The following MYT1L variants were observed in gnomAD, a reference collection of about 807,000 sequenced individuals.
MYT1L encodes myelin transcription factor 1 like, also known as myelin transcription factor 1-like protein.
In MYT1L, 12 loss-of-function variants were observed where a neutral mutation model predicts 126.7. The observed-to-expected ratio is 0.09, with a 90% CI of 0.06 to 0.15. The LOEUF is 0.15. Ranked by LOEUF, MYT1L falls within the 10% of genes least tolerant of loss-of-function variation. The probability of loss-of-function intolerance (pLI) is 1.00; values close to 1 mark genes in which losing one functional copy is unlikely to be tolerated. For missense variants in MYT1L, 979 were observed against 1,585.2 expected (o/e 0.62, Z 6.49); for synonymous variants, 541 against 604.2 (o/e 0.90, Z 1.53).
At chr2:2,003,679 G>GT (rs2062642915) in intron 4 of MYT1L, among the ~76,000 whole-genome samples, 1 of 152,108 alleles carries the variant, frequency 6.6e-6, no homozygotes, top group African/African-American at 2.4e-5. Context: ...CACCTTTGAG[G>GT]TAAGACAGCA....
chr2:2,147,454 C>G (rs963616072), intron 3 of MYT1L, among the ~76,000 whole-genome samples: 1 of 152,220 alleles, frequency 6.6e-6, no homozygotes, highest in Non-Finnish European at 1.5e-5. Flanking sequence ...AAGGACCGTT[C>G]CCTCCATCAG....
intron 18 of MYT1L, among the ~76,000 whole-genome samples, chr2:1,883,202 AAT>A (rs2047784462): frequency 6.6e-6 from 1 of 152,178 alleles, no homozygotes; most frequent in Non-Finnish European, 1.5e-5. Context: ...GAGGAATCTT[AAT>A]TTGGCCAACC....
chr2:1,956,066 T>C (rs1481587967), intron 8 of MYT1L, among the ~76,000 whole-genome samples: 1 of 151,468 alleles, frequency 6.6e-6, no homozygotes, highest in Admixed American at 6.6e-5. Flanking sequence ...TCTATCTATC[T>C]ACCTATCATC....
intron 3 of MYT1L, among the ~76,000 whole-genome samples, chr2:2,077,860 G>A (rs1447064558): frequency 1.3e-5 from 2 of 152,148 alleles, no homozygotes; most frequent in East Asian, 1.9e-4. Flanking sequence ...AAAACCACAC[G>A]AAAATACAGA....
intron 4 of MYT1L, among the ~76,000 whole-genome samples, chr2:2,045,423 G>A (rs972055635): frequency 6.6e-6 from 1 of 152,194 alleles, no homozygotes; most frequent in African/African-American, 2.4e-5. Context: ...GAGCCATGCA[G>A]GGGCCAAAAC....
chr2:1,931,516 C>T (rs1573688627), intron 9 of MYT1L, among the ~76,000 whole-genome samples: 1 of 152,028 alleles, frequency 6.6e-6, no homozygotes, highest in Non-Finnish European at 1.5e-5. Flanking sequence ...TTCCTCCACC[C>T]TCAGTGATGC....
intron 2 of MYT1L, among the ~76,000 whole-genome samples, chr2:2,198,055 C>T (rs191412432): frequency 4.0e-5 from 6 of 151,736 alleles, no homozygotes; most frequent in Admixed American, 1.3e-4. Flanking sequence ...TACACACACA[C>T]GTACACAATG....
intron 18 of MYT1L, among the ~76,000 whole-genome samples, chr2:1,862,567 C>T (rs2044827550): frequency 6.6e-6 from 1 of 152,148 alleles, no homozygotes. Flanking sequence ...CTTTCCAGGT[C>T]ATATAAAATT....
chr2:2,048,947 T>G (rs899963348), intron 4 of MYT1L, among the ~76,000 whole-genome samples: 1 of 152,228 alleles, frequency 6.6e-6, no homozygotes, highest in Non-Finnish European at 1.5e-5. Context: ...TTTCTACTAT[T>G]TCTTAAACTA....
chr2:2,184,674 G>A (rs1208922855), intron 2 of MYT1L, among the ~76,000 whole-genome samples: 1 of 152,028 alleles, frequency 6.6e-6, no homozygotes, highest in African/African-American at 2.4e-5. Flanking sequence ...TCCCCGCACC[G>A]CACGCCCACC....
intron 2 of MYT1L, among the ~76,000 whole-genome samples, chr2:2,208,447 G>A (rs1458579243): frequency 6.6e-6 from 1 of 152,124 alleles, no homozygotes; most frequent in Admixed American, 6.6e-5. Context: ...ACCCTCATGT[G>A]CAAGCAGGTG....
intron 8 of MYT1L, among the ~76,000 whole-genome samples, chr2:1,966,985 G>C (rs1043384346): frequency 6.6e-6 from 1 of 152,070 alleles, no homozygotes; most frequent in Admixed American, 6.5e-5. Context: ...GGGAAGCAAC[G>C]ACCACCAGTA....
intron 4 of MYT1L, among the ~76,000 whole-genome samples, chr2:2,037,762 C>CAAAAT (rs1455583284): frequency 6.8e-6 from 1 of 146,398 alleles, no homozygotes; most frequent in East Asian, 2.0e-4. Flanking sequence ...GTCTCAAAAA[C>CAAAAT]AAAACAAAAC....
At chr2:2,306,033 A>G (rs763463583) in intron 1 of MYT1L, 7 of 152,164 alleles carry the variant, frequency 4.6e-5, no homozygotes, top group Non-Finnish European at 1.0e-4. Context: ...TAAAATCTGA[A>G]TGGTGACATT....
chr2:2,208,440 C>G (rs2093389823), intron 2 of MYT1L, among the ~76,000 whole-genome samples: 1 of 152,120 alleles, frequency 6.6e-6, no homozygotes, highest in Non-Finnish European at 1.5e-5. Context: ...GAGTCCCACC[C>G]TCATGTGCAA....
Position 1,934,098 on chromosome 2 carries a change from T to C in MYT1L, c.505+8884A>G, listed in dbSNP as rs1039466594. Among the ~76,000 whole-genome samples the C allele has an allele frequency of 4.7e-5, 7 of 150,232 alleles. No homozygotes were observed. The South Asian group carries it at 6.4e-4, about 14-fold the overall frequency. ...CACGCCATGCTCCTGCCTCAGCCTC[T>C]GGAGTAGCTGGGACTACAGGCACCC... On this transcript the variant is annotated intron_variant, in intron 9 of 24. Coordinates refer to ENST00000647738, the MANE Select transcript of MYT1L (RefSeq NM_001303052.2).
At chr2:2,236,689 C>T (rs113532866) in intron 2 of MYT1L, among the ~76,000 whole-genome samples, 2 of 151,878 alleles carry the variant, frequency 1.3e-5, no homozygotes, top group Non-Finnish European at 2.9e-5. Flanking sequence ...CAACCCAGTA[C>T]ATCACACGGC....
intron 2 of MYT1L, among the ~76,000 whole-genome samples, chr2:2,179,757 A>G (rs561314808): frequency 1.9e-3 from 287 of 152,250 alleles, no homozygotes; most frequent in African/African-American, 6.8e-3. Flanking sequence ...TCAATTCCTA[A>G]GACTTACCAC....
At chr2:1,875,935 T>C (rs959656782) in intron 18 of MYT1L, among the ~76,000 whole-genome samples, 4 of 152,176 alleles carry the variant, frequency 2.6e-5, no homozygotes. Flanking sequence ...TGTTCATGTG[T>C]TACAGGAAAA....
Sources: allele counts gnomAD v4.1 joint callset (sites outside exome capture counted in the v4.1 genomes callset), GRCh38; gene constraint gnomAD v4.1.1; transcripts MANE v1.5; gene names NCBI Gene and HGNC (gene_info 2026-07-23, HGNC 2026-07-21).